Variants in IQCN observed in about 807,000 individuals in gnomAD.
IQCN encodes the protein IQ motif containing N, also known as IQ domain-containing protein N.
In IQCN, 46 loss-of-function variants were observed where a neutral mutation model predicts 64.4. The observed-to-expected ratio is 0.71, with a 90% CI of 0.56 to 0.91. The LOEUF is 0.91. Ranked by LOEUF, IQCN falls within the 40% of genes least tolerant of loss-of-function variation. The pLI, the probability that IQCN is intolerant of heterozygous loss-of-function variation, is 0.00. For missense variants in IQCN, 1,753 were observed against 1,857.4 expected, an observed-to-expected ratio of 0.94 and a Z score of 1.03; for synonymous variants, 733 against 775.6, an observed-to-expected ratio of 0.95 and a Z score of 0.91.
chr19:18,263,810 C>T (rs1478735029), intron 3 of IQCN, among the ~76,000 whole-genome samples: 1 of 152,150 alleles, frequency 6.6e-6, no homozygotes, highest in East Asian at 1.9e-4. Flanking sequence ...TCCCACCACC[C>T]ACGCTGCAAG....
At position 18,265,510 on chromosome 19, in the gene IQCN, C is replaced by T. The variant is rs1337734957; in HGVS notation, c.2030G>A (p.Cys677Tyr). The T allele has an allele frequency of 6.2e-7, 1 of 1,612,336 alleles. No individual in the cohort carries two copies. The highest frequency in any genetic ancestry group is 1.3e-5 in the African/African-American group (1 of 74,824). Residue 677 changes from cysteine to tyrosine, a missense_variant, in exon 3 of 4, where the codon TGC becomes TAC. By Grantham distance (194) the Cys-to-Tyr change is radical. Coordinates refer to ENST00000392413, the MANE Select transcript of IQCN (RefSeq NM_001145304.2). The surrounding 1 kb of genome is among the most constrained non-coding windows in gnomAD (Gnocchi z 4.7). ...GGCGGCCAGTGGTCTCTGGGACAGG[C>T]AGGGTGGATGTCTCTGGGATGAGGC... ...TNASSQRHPP[C>Y]LSQRPLAAPL...
chr19:18,270,975 C>T (rs574600892), intron 1 of IQCN, among the ~76,000 whole-genome samples: 2 of 151,928 alleles, frequency 1.3e-5, no homozygotes, highest in African/African-American at 2.4e-5. Context: ...AGTTCGAGAA[C>T]AGCCTGGCCA....
intron 3 of IQCN, chr19:18,260,080 T>G (rs1274648634): frequency 6.6e-6 from 1 of 152,474 alleles, no homozygotes; most frequent in Non-Finnish European, 1.5e-5. Context: ...AGAGGCGTGA[T>G]TCACTGGCCT....
chr19:18,265,487 C>G lies in IQCN; in HGVS notation c.2053G>C (p.Ala685Pro), dbSNP rs1486156362. Residue 685 changes from alanine to proline, a missense_variant, in exon 3 of 4, where the codon GCC becomes CCC. Ala to Pro is a conservative substitution (Grantham distance 27). Coordinates refer to ENST00000392413, the MANE Select transcript of IQCN (RefSeq NM_001145304.2). This position sits in a 1 kb window ranked among gnomAD's most constrained non-coding sequence, Gnocchi z 4.7. ...PPCLSQRPLAAPLTKASSQGH... is the reference protein window; with the variant it reads ...PPCLSQRPLAPPLTKASSQGH... ...TGAGATGAGGCCTTGGTCAGCGGGG[C>G]GGCCAGTGGTCTCTGGGACAGGCAG... 5 of 1,612,644 alleles carry G rather than the reference C, an allele frequency of 3.1e-6. No homozygotes were observed. The South Asian group carries it at 5.5e-5, about 18-fold the overall frequency.
At chr19:18,259,808 G>A (rs1259613416) in intron 3 of IQCN, 1 of 152,326 alleles carries the variant, frequency 6.6e-6, no homozygotes, top group Non-Finnish European at 1.5e-5. Context: ...CCAGTCTGTT[G>A]GGCACTGAAG....
chr19:18,258,066 T>C lies in IQCN; in HGVS notation c.3218A>G (p.Asn1073Ser), dbSNP rs754885911. Reference protein sequence around the residue: ...DAGVVGGQSWNRAWEPARGAA... With the variant: ...DAGVVGGQSWSRAWEPARGAA... ...ACCCCTGGCTGGCTCCCATGCGCGG[T>C]TCCACGATTGGCCACCAACCACACC... The change falls in exon 4 of 4, where the codon AAC (asparagine) becomes AGC (serine). Residue 1073 changes from asparagine (N) to serine (S), a missense_variant. Asn to Ser is a conservative substitution (Grantham distance 46). Coordinates refer to ENST00000392413, the MANE Select transcript of IQCN (RefSeq NM_001145304.2). 4.3e-6 allele frequency: 7 copies of C among 1,612,082 alleles called. No homozygotes were observed. The highest frequency in any genetic ancestry group is 2.7e-5 in the African/African-American group (2 of 74,878).
In IQCN at chr19:18,266,902, G is replaced by A. The variant is rs780119106; in HGVS notation, c.638C>T (p.Pro213Leu). The change falls in exon 3 of 4, where the codon CCC (proline) becomes CTC (leucine). Residue 213 changes from proline to leucine, a missense_variant. By Grantham distance (98) the Pro-to-Leu change is moderately conservative. Coordinates refer to ENST00000392413, the MANE Select transcript of IQCN (RefSeq NM_001145304.2). The surrounding 1 kb of genome is among the most constrained non-coding windows in gnomAD (Gnocchi z 4.3). The stretch of plus-strand genomic sequence containing the variant: ...CTCTGGGGTACCCTGAGCTGCTGGG[G>A]GCTGCAGGAGGGGGGACGACTGGGG... ...CRPQSSPLLQ[P>L]PAAQGTPEPC... 4.4e-6 allele frequency: 7 copies of A among 1,607,438 alleles called. No individual in the cohort carries two copies. Among genetic ancestry groups the A allele is most frequent in the African/African-American group, 1.3e-5 (1 of 74,746 alleles).
chr19:18,265,483 G>C lies in IQCN; in HGVS notation c.2057C>G (p.Pro686Arg). 1 of 1,612,990 alleles carries C rather than the reference G, an allele frequency of 6.2e-7. No homozygotes were observed. The change falls in exon 3 of 4, where the codon CCG becomes CGG. Residue 686 changes from proline to arginine, a missense_variant. Transcript: ENST00000392413. The surrounding 1 kb of genome is among the most constrained non-coding windows in gnomAD (Gnocchi z 4.7). Reference protein sequence around the residue: ...PCLSQRPLAAPLTKASSQGHL... With the variant: ...PCLSQRPLAARLTKASSQGHL... ...TCCCTGAGATGAGGCCTTGGTCAGC[G>C]GGGCGGCCAGTGGTCTCTGGGACAG... is the stretch of plus-strand genomic sequence containing the variant.
At position 18,266,493 on chromosome 19, in the gene IQCN, G is replaced by A; in HGVS notation, c.1047C>T (p.Thr349=). 6.3e-7 allele frequency: 1 copy of A among 1,598,168 alleles called. No homozygotes were observed. Among genetic ancestry groups the A allele is most frequent in the Non-Finnish European group, 8.5e-7 (1 of 1,171,260 alleles). The change falls in exon 3 of 4, where the codon ACC becomes ACT. Residue 349 remains threonine (T), a synonymous_variant. Transcript: ENST00000392413. This position sits in a 1 kb window ranked among gnomAD's most constrained non-coding sequence, Gnocchi z 4.3. The part of the protein sequence containing the change: ...LLQTYPVVSV[T]LPQTYPASTM... Reference sequence around the variant, plus strand: ...TGGACGCTGGATATGTCTGTGGCAGGGTCACGGAGACCACTGGATATGTCT... The same window carrying A: ...TGGACGCTGGATATGTCTGTGGCAGAGTCACGGAGACCACTGGATATGTCT...
chr19:18,269,793 T>C (rs1969696414), intron 1 of IQCN, among the ~76,000 whole-genome samples: 1 of 151,776 alleles, frequency 6.6e-6, no homozygotes, highest in East Asian at 1.9e-4. Flanking sequence ...CTGCTACAAA[T>C]GAATACAGAA....
chr19:18,257,987 G>A lies in IQCN; in HGVS notation c.3297C>T (p.Ser1099=), dbSNP rs142284439. ...CCTGCATGGACACCATTGGCTCCCC[G>A]GACCGCCTGGGAGGCACCACCGCCT... The part of the protein sequence containing the change: ...RNKAVVPPRR[S]GEPMVSMQAA... The change falls in exon 4 of 4, where the codon TCC becomes TCT. Residue 1099 remains serine (S), a synonymous_variant. Transcript: ENST00000392413. 494 of 1,612,404 alleles carry A rather than the reference G, an allele frequency of 3.1e-4. No homozygotes were observed. The highest frequency in any genetic ancestry group is 4.0e-4 in the Non-Finnish European group (473 of 1,179,658).
At position 18,264,637 on chromosome 19, in the gene IQCN, T is replaced by C. The variant is rs1050643816; in HGVS notation, c.2903A>G (p.Gln968Arg). The C allele has an allele frequency of 2.6e-6, 4 of 1,551,444 alleles. No individual in the cohort carries two copies. In the Admixed American group the frequency reaches 7.8e-5, roughly 30 times the overall value. ...ELRAELTKVM[Q>R]GKLAEVLSKA... is the part of the protein sequence containing the mutation. ...GCTAAGCACCTCGGCCAATTTACCC[T>C]GCATGACCTTGGTGAGTTCCGCCCG... Residue 968 changes from glutamine (Q) to arginine (R), a missense_variant, in exon 3 of 4, where the codon CAG (glutamine) becomes CGG (arginine). Gln to Arg is a conservative substitution (Grantham distance 43). Transcript: ENST00000392413. This position sits in a 1 kb window ranked among gnomAD's most constrained non-coding sequence, Gnocchi z 4.3.
In IQCN at chr19:18,264,631, T is replaced by C; in HGVS notation, c.2909A>G (p.Lys970Arg). 6.4e-7 allele frequency: 1 copy of C among 1,551,344 alleles called. No individual in the cohort carries two copies. The highest frequency in any genetic ancestry group is 8.7e-7 in the Non-Finnish European group (1 of 1,146,960). ...RAELTKVMQG[K>R]LAEVLSKALT... ...AGCCTTGCTAAGCACCTCGGCCAATTTACCCTGCATGACCTTGGTGAGTTC... is the reference window on the plus strand; with the variant it reads ...AGCCTTGCTAAGCACCTCGGCCAATCTACCCTGCATGACCTTGGTGAGTTC... The change falls in exon 3 of 4, where the codon AAA becomes AGA. Residue 970 changes from lysine (K) to arginine (R), a missense_variant. Lys to Arg is a conservative substitution (Grantham distance 26). Coordinates refer to ENST00000392413, the MANE Select transcript of IQCN (RefSeq NM_001145304.2). The surrounding 1 kb of genome is among the most constrained non-coding windows in gnomAD (Gnocchi z 4.3).
chr19:18,273,349 CTCTT>C (rs1969783395), intron 1 of IQCN, among the ~76,000 whole-genome samples: 1 of 144,080 alleles, frequency 6.9e-6, no homozygotes, highest in Non-Finnish European at 1.5e-5. Context: ...TATTATTATT[CTCTT>C]TGAGACGGAA....
chr19:18,263,103 T>C (rs2148098294), intron 3 of IQCN, among the ~76,000 whole-genome samples: 1 of 152,308 alleles, frequency 6.6e-6, no homozygotes, highest in East Asian at 1.9e-4. Flanking sequence ...ATAGCCGGTT[T>C]CAGTCTCTTG....
In IQCN at chr19:18,266,745, G is replaced by A; in HGVS notation, c.795C>T (p.Thr265=). 3 of 1,614,152 alleles carry A rather than the reference G, an allele frequency of 1.9e-6. No individual in the cohort carries two copies. Among genetic ancestry groups the A allele is most frequent in the African/African-American group, 1.3e-5 (1 of 75,026 alleles). ...TGTGGACGAGGCAGGTGCTTCTGAT[G>A]GTTCTGGTCAGCAGGCATGGCTGGC... is the stretch of plus-strand genomic sequence containing the variant. ...AKCQPCLLTR[T]IRSTCLVHIE... is the part of the protein sequence containing the mutation. Residue 265 remains threonine (T), a synonymous_variant, in exon 3 of 4, where the codon ACC becomes ACT. Coordinates refer to ENST00000392413, the MANE Select transcript of IQCN (RefSeq NM_001145304.2). This position sits in a 1 kb window ranked among gnomAD's most constrained non-coding sequence, Gnocchi z 4.3.
Position 18,266,273 on chromosome 19 carries a change from T to C in IQCN, c.1267A>G (p.Ile423Val), listed in dbSNP as rs1969580212. Residue 423 changes from isoleucine to valine, a missense_variant, in exon 3 of 4, where the codon ATC (isoleucine) becomes GTC (valine). Ile to Val is a conservative substitution (Grantham distance 29, BLOSUM62 3). Coordinates refer to ENST00000392413, the MANE Select transcript of IQCN (RefSeq NM_001145304.2). The surrounding 1 kb of genome is among the most constrained non-coding windows in gnomAD (Gnocchi z 4.3). The stretch of plus-strand genomic sequence containing the variant: ...ACCTGAGGTCGGTTCTTTGCCGTGA[T>C]GGTCGCAGGGCATGTCTGCCGTGGG... ...GTPRQTCPAT[I>V]TAKNRPQVSL... 1 of 1,613,620 alleles carries C rather than the reference T, an allele frequency of 6.2e-7. No homozygotes were observed. Among genetic ancestry groups the C allele is most frequent in the Non-Finnish European group, 8.5e-7 (1 of 1,179,778 alleles).
chr19:18,264,675 G>A lies in IQCN; in HGVS notation c.2865C>T (p.Ser955=). The change falls in exon 3 of 4, where the codon TCC becomes TCT. Residue 955 remains serine, a synonymous_variant. Transcript: ENST00000392413. The surrounding 1 kb of genome is among the most constrained non-coding windows in gnomAD (Gnocchi z 4.3). The part of the protein sequence containing the change: ...ELRLTLSRAL[S]RGELRAELTK... ...TGAGTTCCGCCCGCAGCTCGCCCCG[G>A]GACAGGGCTCGGGACAGGGTCAGGC... 6.4e-7 allele frequency: 1 copy of A among 1,551,310 alleles called. No homozygotes were observed.
intron 1 of IQCN, among the ~76,000 whole-genome samples, chr19:18,272,809 A>T (rs1424416015): frequency 6.6e-6 from 1 of 151,208 alleles, no homozygotes; most frequent in East Asian, 2.0e-4. Context: ...ACGGGGTTTC[A>T]CTATGCTAGC....
Sources: gnomAD v4.1 joint callset for allele counts (sites outside exome capture counted in the v4.1 genomes callset) on GRCh38, gnomAD v4.1.1 for gene constraint, Gnocchi (gnomAD v3.1) non-coding constraint, MANE v1.5 for transcripts, NCBI Gene and HGNC (gene_info 2026-07-23, HGNC 2026-07-21) for gene names.